CDH13: variants seen among roughly 807,000 people sequenced by gnomAD.
CDH13 encodes cadherin-13.
A neutral mutation model predicts 63.8 loss-of-function variants in CDH13; 24 were observed. That is an observed-to-expected ratio of 0.38 (90% CI 0.27 to 0.53). The LOEUF (loss-of-function observed/expected upper bound fraction) is 0.53. Among genes scored for constraint, CDH13 ranks in the 20% least tolerant of loss-of-function variants. The pLI is 0.85. For missense variants in CDH13, 1,049 were observed against 903.1 expected (o/e 1.16, Z -2.07); for synonymous variants, 503 against 355.3 (o/e 1.42, Z -4.67).
At chr16:82,785,832 C>G (rs911901995) in intron 1 of CDH13, among the ~76,000 whole-genome samples, 1 of 152,174 alleles carries the variant, frequency 6.6e-6, no homozygotes, top group East Asian at 1.9e-4. Flanking sequence ...TTTTAATTCT[C>G]AGCAAGGCAA....
At chr16:83,230,226 G>C (rs1473652529) in intron 5 of CDH13, among the ~76,000 whole-genome samples, 3 of 152,258 alleles carry the variant, frequency 2.0e-5, no homozygotes, top group East Asian at 3.9e-4. Flanking sequence ...ATTAGTTCCT[G>C]TTCAGTGTTT....
intron 13 of CDH13, among the ~76,000 whole-genome samples, chr16:83,790,943 C>G (rs1916222828): frequency 6.6e-6 from 1 of 152,182 alleles, no homozygotes; most frequent in South Asian, 2.1e-4. Flanking sequence ...ATCAGGTGAA[C>G]TATCTTAACA....
intron 6 of CDH13, among the ~76,000 whole-genome samples, chr16:83,460,219 T>C (rs138207672): frequency 4.6e-5 from 7 of 152,360 alleles, no homozygotes; most frequent in Non-Finnish European, 7.3e-5. Flanking sequence ...GTCTTCCTGA[T>C]TGGTAAATAT....
At chr16:83,103,243 C>CTTT (rs35812420) in intron 3 of CDH13, among the ~76,000 whole-genome samples, 28 of 91,200 alleles carry the variant, frequency 3.1e-4, no homozygotes, top group East Asian at 6.9e-4. Context: ...GTTAACTGAA[C>CTTT]TTTTTTTTTT....
chr16:83,145,903 C>T (rs905355643), intron 4 of CDH13, among the ~76,000 whole-genome samples: 2 of 152,030 alleles, frequency 1.3e-5, no homozygotes, highest in African/African-American at 4.8e-5. Context: ...TGAAAAGAAG[C>T]CAGATTTGTA....
intron 4 of CDH13, among the ~76,000 whole-genome samples, chr16:83,146,693 A>G (rs1329989441): frequency 3.3e-5 from 5 of 152,242 alleles, no homozygotes; most frequent in Non-Finnish European, 7.3e-5. Context: ...TTAGTTGCAA[A>G]TACCAATAAT....
intron 8 of CDH13, among the ~76,000 whole-genome samples, chr16:83,656,021 A>T (rs1912837759): frequency 6.6e-6 from 1 of 152,128 alleles, no homozygotes; most frequent in Non-Finnish European, 1.5e-5. Context: ...CATTACCACT[A>T]TCTAAGGCTG....
intron 6 of CDH13, among the ~76,000 whole-genome samples, chr16:83,378,750 A>T (rs1309583916): frequency 6.6e-6 from 1 of 152,162 alleles, no homozygotes; most frequent in South Asian, 2.1e-4. Context: ...AATGCTGTAG[A>T]TAATTCCCAG....
At chr16:83,203,415 G>GGT (rs943257969) in intron 4 of CDH13, among the ~76,000 whole-genome samples, 15 of 150,726 alleles carry the variant, frequency 1.0e-4, no homozygotes, top group African/African-American at 3.7e-4. Flanking sequence ...GGCCAGGTGT[G>GGT]GTGGCTCACG....
chr16:83,415,178 G>A (rs1277610755), intron 6 of CDH13, among the ~76,000 whole-genome samples: 1 of 151,860 alleles, frequency 6.6e-6, no homozygotes, highest in Non-Finnish European at 1.5e-5. Flanking sequence ...AGGTAACCTA[G>A]AGAAAAATGA....
At chr16:83,452,844 C>G (rs1291744450) in intron 6 of CDH13, among the ~76,000 whole-genome samples, 1 of 152,128 alleles carries the variant, frequency 6.6e-6, no homozygotes, top group East Asian at 1.9e-4. Flanking sequence ...AAATCTCTTT[C>G]TCATATTATT....
intron 5 of CDH13, among the ~76,000 whole-genome samples, chr16:83,313,361 G>A (rs1192516488): frequency 2.6e-5 from 4 of 152,140 alleles, no homozygotes; most frequent in African/African-American, 9.7e-5. Flanking sequence ...CTCAATATAT[G>A]CAGCTTTCTC....
At chr16:82,646,427 C>G (rs1412756098) in intron 1 of CDH13, 2 of 152,170 alleles carry the variant, frequency 1.3e-5, no homozygotes, top group African/African-American at 4.8e-5. Context: ...CTCCTGACCT[C>G]AAGTGATCTG....
chr16:83,261,704 T>C (rs956127487), intron 5 of CDH13, among the ~76,000 whole-genome samples: 16 of 130,040 alleles, frequency 1.2e-4, no homozygotes, highest in Admixed American at 1.0e-3. Flanking sequence ...TTTATTTTCC[T>C]CTTTTTTTTT....
chr16:83,022,676 C>T (rs903291378), intron 2 of CDH13, among the ~76,000 whole-genome samples: 1 of 152,120 alleles, frequency 6.6e-6, no homozygotes, highest in Non-Finnish European at 1.5e-5. Flanking sequence ...TGATTCAGAG[C>T]CTGTAATTCT....
intron 4 of CDH13, among the ~76,000 whole-genome samples, chr16:83,144,216 G>A (rs536860850): frequency 1.0e-3 from 154 of 152,268 alleles, no homozygotes; most frequent in Non-Finnish European, 1.6e-3. Flanking sequence ...TTTCTCCCAT[G>A]AGGAAGTGAC....
intron 7 of CDH13, among the ~76,000 whole-genome samples, chr16:83,593,814 G>A (rs567679301): frequency 3.3e-5 from 5 of 152,222 alleles, no homozygotes; most frequent in East Asian, 3.9e-4. Flanking sequence ...CAAGAAGCTC[G>A]GATTGTCATA....
At chr16:83,329,400 A>ATT (rs202092421) in intron 5 of CDH13, among the ~76,000 whole-genome samples, 54 of 139,456 alleles carry the variant, frequency 3.9e-4, no homozygotes, top group African/African-American at 1.1e-3. Flanking sequence ...TAATTTTTGT[A>ATT]TTTTTTTTTT....
intron 7 of CDH13, among the ~76,000 whole-genome samples, chr16:83,523,525 A>T (rs1303658976): frequency 6.6e-6 from 1 of 152,150 alleles, no homozygotes; most frequent in Non-Finnish European, 1.5e-5. Context: ...TACCCTGCCA[A>T]CCAGTGCCCC....
Sources: gnomAD v4.1 joint callset for allele counts (sites outside exome capture counted in the v4.1 genomes callset) on GRCh38, gnomAD v4.1.1 for gene constraint, MANE v1.5 for transcripts, NCBI Gene and HGNC (gene_info 2026-07-23, HGNC 2026-07-21) for gene names.